Variants in SLC8A1 observed in about 807,000 individuals in gnomAD.
SLC8A1 encodes the protein solute carrier family 8 member A1.
Under a neutral mutation model 68.3 loss-of-function variants are expected in SLC8A1, and 18 were observed. The ratio of observed to expected loss-of-function variants is 0.26; its 90% confidence interval spans 0.18 to 0.39. The LOEUF is 0.39. SLC8A1 is among the 10% of genes least tolerant of loss of function. The pLI is 1.00. For synonymous variants in SLC8A1, 475 were observed against 415.5 expected (o/e 1.14, Z -1.74); for missense variants, 985 against 1,156.7 (o/e 0.85, Z 2.15).
intron 2 of SLC8A1, among the ~76,000 whole-genome samples, chr2:40,205,494 G>C (rs2055236642): frequency 1.3e-5 from 2 of 151,928 alleles, no homozygotes; most frequent in African/African-American, 4.8e-5. Flanking sequence ...CACTGACTTT[G>C]CAGGGACATG....
At chr2:40,215,173 A>C (rs2057263633) in intron 2 of SLC8A1, among the ~76,000 whole-genome samples, 1 of 152,088 alleles carries the variant, frequency 6.6e-6, no homozygotes, top group Non-Finnish European at 1.5e-5. Context: ...TATTATTAAT[A>C]TTATTATCTT....
In SLC8A1 at chr2:40,443,185, T is replaced by C. The variant is rs150528463; in HGVS notation, c.-25+8719A>G. On this transcript the variant is annotated intron_variant, in intron 1 of 7. Coordinates refer to ENST00000406785, the Ensembl canonical transcript of SLC8A1. ...GCTTAAAACCTAGATGACAGGTTGA[T>C]AGGTGCAGCATACCACCATGGCACA... Among the ~76,000 whole-genome samples the C allele has an allele frequency of 1.4e-3, 217 of 152,276 alleles. 1 individual carries two copies. The highest frequency in any genetic ancestry group is 4.9e-3 in the African/African-American group (205 of 41,558).
intron 2 of SLC8A1, among the ~76,000 whole-genome samples, chr2:40,181,109 A>G (rs1026300108): frequency 3.3e-5 from 5 of 152,178 alleles, no homozygotes; most frequent in African/African-American, 1.2e-4. Flanking sequence ...ACAGATGCCC[A>G]TCACCATGCC....
intron 2 of SLC8A1, among the ~76,000 whole-genome samples, chr2:40,280,890 C>G (rs745398977): frequency 1.3e-5 from 2 of 152,186 alleles, no homozygotes; most frequent in Non-Finnish European, 2.9e-5. Flanking sequence ...TCAGTTCTCT[C>G]AAATAGAATT....
intron 7 of SLC8A1, among the ~76,000 whole-genome samples, chr2:40,130,217 C>G (rs2039049676): frequency 6.6e-6 from 1 of 152,230 alleles, no homozygotes; most frequent in Admixed American, 6.5e-5. Flanking sequence ...TTTGGGTCGG[C>G]TGCATGCGGC....
chr2:40,192,042 A>G (rs1032434237), intron 2 of SLC8A1, among the ~76,000 whole-genome samples: 1 of 152,176 alleles, frequency 6.6e-6, no homozygotes, highest in Non-Finnish European at 1.5e-5. Flanking sequence ...AATATACAAT[A>G]AGACAAATTA....
Position 40,298,363 on chromosome 2 carries a change from G to A in SLC8A1, c.1809-120508C>T, listed in dbSNP as rs112718910. ...CTTGGCTCTTTTCTTTCCCTAAATG[G>A]ATTTGGTTATAGAATTGGAAAACCG... On this transcript the variant is annotated intron_variant, in intron 2 of 7. Coordinates refer to ENST00000406785, the Ensembl canonical transcript of SLC8A1. 4.6e-3 allele frequency among the ~76,000 whole-genome samples: 701 copies of A among 152,230 alleles called. 2 individuals carry two copies. The highest frequency in any genetic ancestry group is 9.5e-3 in the Admixed American group (145 of 15,288).
rs1461571766 is a variant in SLC8A1 at position 40,174,856 on chromosome 2, A to C, written c.1913-14T>G. ...TTGTGAAGCCACCTAAAAAAGAAAA[A>C]AACAACAACAAATGTTATAATTTGA... On this transcript the variant is annotated splice_polypyrimidine_tract_variant and intron_variant, in intron 3 of 7. Coordinates refer to ENST00000406785, the Ensembl canonical transcript of SLC8A1. The C allele has an allele frequency of 6.8e-6, 11 of 1,606,076 alleles. No individual in the cohort carries two copies. Among genetic ancestry groups the C allele is most frequent in the East Asian group, 4.5e-5 (2 of 44,818 alleles).
chr2:40,170,251 G>C (rs775969730), intron 4 of SLC8A1, 30 bp downstream of exon 7: 7 of 1,595,788 alleles, frequency 4.4e-6, no homozygotes, highest in Middle Eastern at 1.7e-4. Flanking sequence ...GGGAGGCTGT[G>C]GTTTTCAAGG....
chr2:40,174,362 T>C (rs1397886141), intron 4 of SLC8A1, among the ~76,000 whole-genome samples: 1 of 152,178 alleles, frequency 6.6e-6, no homozygotes, highest in African/African-American at 2.4e-5. Flanking sequence ...CACGGATCCA[T>C]CTTGGATGTC....
intron 1 of SLC8A1, among the ~76,000 whole-genome samples, chr2:40,458,696 C>T (rs1280634142): frequency 6.6e-6 from 1 of 152,116 alleles, no homozygotes; most frequent in Non-Finnish European, 1.5e-5. Flanking sequence ...CTGACCGAGC[C>T]TCAGGCTTGA....
At chr2:40,343,764 T>C (rs527930746) in intron 2 of SLC8A1, among the ~76,000 whole-genome samples, 1 of 152,212 alleles carries the variant, frequency 6.6e-6, no homozygotes, top group Non-Finnish European at 1.5e-5. Context: ...AAATATAGTT[T>C]GAAAATTACA....
chr2:40,361,722 C>T (rs887717636), intron 2 of SLC8A1, among the ~76,000 whole-genome samples: 4 of 151,784 alleles, frequency 2.6e-5, no homozygotes, highest in African/African-American at 9.7e-5. Flanking sequence ...ACCAAATGCC[C>T]TATATGGTAA....
At chr2:40,318,736 T>C (rs534297854) in intron 2 of SLC8A1, among the ~76,000 whole-genome samples, 2 of 152,186 alleles carry the variant, frequency 1.3e-5, no homozygotes, top group African/African-American at 2.4e-5. Context: ...ATGAGGAAAG[T>C]ATATGCATTG....
At position 40,164,637 on chromosome 2, in the gene SLC8A1, G is replaced by A. The variant is rs557900714; in HGVS notation, c.2061+217C>T. On this transcript the variant is annotated intron_variant, in intron 5 of 7. Transcript: ENST00000406785. ...TGTGCAGTCATAGATGTCTCCTGCTGGGCCCTGGTTCGGATGCTGTTTGGT... is the reference window on the plus strand; with the variant it reads ...TGTGCAGTCATAGATGTCTCCTGCTAGGCCCTGGTTCGGATGCTGTTTGGT... 9.3e-4 allele frequency among the ~76,000 whole-genome samples: 142 copies of A among 152,202 alleles called. 1 individual carries two copies. Among genetic ancestry groups the A allele is most frequent in the Non-Finnish European group, 1.7e-3 (113 of 68,022 alleles).
intron 2 of SLC8A1, among the ~76,000 whole-genome samples, chr2:40,260,772 G>A (rs561166544): frequency 6.6e-6 from 1 of 150,520 alleles, no homozygotes; most frequent in African/African-American, 2.4e-5. Context: ...GACTTCCTAC[G>A]TGTAACTAAA....
chr2:40,130,532 C>G (rs13402735), intron 7 of SLC8A1, among the ~76,000 whole-genome samples: 1 of 152,106 alleles, frequency 6.6e-6, no homozygotes, highest in Admixed American at 6.5e-5. Context: ...CCCTGGTTAG[C>G]TTTGCCTCTT....
chr2:40,498,315 A>G (rs535486326), intron 1 of SLC8A1, among the ~76,000 whole-genome samples: 31 of 152,088 alleles, frequency 2.0e-4, no homozygotes, highest in Non-Finnish European at 4.1e-4. Flanking sequence ...GCTGCTCCAA[A>G]TTTGTTCAGA....
chr2:40,117,616 G>C (rs920981656), intron 7 of SLC8A1, among the ~76,000 whole-genome samples: 1 of 151,684 alleles, frequency 6.6e-6, no homozygotes, highest in Non-Finnish European at 1.5e-5. Context: ...TGCACAGTAG[G>C]ATTATAGCAG....
Sources: gnomAD v4.1 joint callset for allele counts (sites outside exome capture counted in the v4.1 genomes callset) on GRCh38, gnomAD v4.1.1 for gene constraint, MANE v1.5 for transcripts, NCBI Gene and HGNC (gene_info 2026-07-23, HGNC 2026-07-21) for gene names.